The following BLNK variants were observed in gnomAD, a reference collection of about 807,000 sequenced individuals.
The protein encoded by BLNK is B cell linker.
A neutral mutation model predicts 73.5 loss-of-function variants in BLNK; 29 were observed. The ratio of observed to expected loss-of-function variants is 0.39; its 90% CI spans 0.29 to 0.54. BLNK has a LOEUF of 0.54. BLNK is among the 20% of genes least tolerant of loss of function. The probability of loss-of-function intolerance (pLI) is 0.61; values close to 1 mark genes in which losing one functional copy is unlikely to be tolerated. For synonymous variants in BLNK, 176 were observed against 200.8 expected (o/e 0.88, Z 1.04); for missense variants, 460 against 562.8 (o/e 0.82, Z 1.85).
At chr10:96,265,492 A>C (rs1843960363) in intron 1 of BLNK, among the ~76,000 whole-genome samples, 1 of 152,188 alleles carries the variant, frequency 6.6e-6, no homozygotes, top group Non-Finnish European at 1.5e-5. Flanking sequence ...GGAGAGAGCA[A>C]CTTATAGCTC....
At chr10:96,213,864 C>A (rs1554899205) in intron 8 of BLNK, among the ~76,000 whole-genome samples, 1 of 152,134 alleles carries the variant, frequency 6.6e-6, no homozygotes, top group East Asian at 1.9e-4. Context: ...CATGTTTGAC[C>A]TTTGTCTCTC....
intron 15 of BLNK, among the ~76,000 whole-genome samples, chr10:96,198,052 C>T (rs1554895158): frequency 6.6e-6 from 1 of 150,776 alleles, no homozygotes; most frequent in Non-Finnish European, 1.5e-5. Context: ...GGACAAAAAG[C>T]AGAATGAAAT....
chr10:96,220,055 C>T (rs1430291469), intron 6 of BLNK, among the ~76,000 whole-genome samples: 1 of 152,036 alleles, frequency 6.6e-6, no homozygotes, highest in Non-Finnish European at 1.5e-5. Flanking sequence ...CGACCAGCCT[C>T]TTCTGCACCA....
At chr10:96,261,774 C>G (rs4919000) in intron 1 of BLNK, among the ~76,000 whole-genome samples, 1 of 152,032 alleles carries the variant, frequency 6.6e-6, no homozygotes. Context: ...ATGTGATTCT[C>G]ATAGTTATTT....
rs587606971 is a variant in BLNK at position 96,233,736 on chromosome 10, T to A, written c.164-2902A>T. ...CTCTTGGAAGCTGGTGGCACCGTGA[T>A]GTCACATGTACTTCGTTCTGTCCTG... is the stretch of plus-strand genomic sequence containing the variant. On this transcript the variant is annotated intron_variant, in intron 3 of 16. Coordinates refer to ENST00000224337, the MANE Select transcript of BLNK (RefSeq NM_013314.4). 1.9e-3 allele frequency among the ~76,000 whole-genome samples: 289 copies of A among 152,372 alleles called. 1 individual carries two copies. The highest frequency in any genetic ancestry group is 3.5e-3 in the South Asian group (17 of 4,832).
intron 7 of BLNK, chr10:96,216,120 C>T (rs1591316926): frequency 5.7e-6 from 1 of 175,600 alleles, no homozygotes; most frequent in East Asian, 1.4e-4. Context: ...TGTTTCCATG[C>T]CTAATCTTAT....
At chr10:96,260,366 CA>C (rs1313870587) in intron 1 of BLNK, among the ~76,000 whole-genome samples, 10 of 152,102 alleles carry the variant, frequency 6.6e-5, no homozygotes, top group African/African-American at 2.4e-4. Context: ...CATAAAAATG[CA>C]AAACTGACGT....
intron 1 of BLNK, among the ~76,000 whole-genome samples, chr10:96,262,416 TTA>T (rs1217825858): frequency 6.6e-6 from 1 of 152,178 alleles, no homozygotes; most frequent in African/African-American, 2.4e-5. Flanking sequence ...CTGCTTTATG[TTA>T]TATATTATTG....
chr10:96,195,294 G>A (rs2083437774), intron 16 of BLNK, among the ~76,000 whole-genome samples: 2 of 152,312 alleles, frequency 1.3e-5, no homozygotes, highest in East Asian at 3.9e-4. Flanking sequence ...ATATCATCCA[G>A]CAATCCCACT....
chr10:96,199,771 G>C (rs931493169), intron 15 of BLNK, among the ~76,000 whole-genome samples: 5 of 152,166 alleles, frequency 3.3e-5, no homozygotes, highest in Non-Finnish European at 7.4e-5. Context: ...TGTAATCCCA[G>C]CACTTTGGGA....
At chr10:96,202,031 A>C (rs924697553) in intron 13 of BLNK, among the ~76,000 whole-genome samples, 1 of 152,188 alleles carries the variant, frequency 6.6e-6, no homozygotes, top group Non-Finnish European at 1.5e-5. Context: ...TCCCGGGTAG[A>C]GGGAGCTGTG....
At chr10:96,251,621 G>A (rs904964822) in intron 1 of BLNK, among the ~76,000 whole-genome samples, 12 of 152,076 alleles carry the variant, frequency 7.9e-5, no homozygotes, top group Admixed American at 3.3e-4. Context: ...GAAGAACAAA[G>A]CTTATCTAAT....
intron 1 of BLNK, among the ~76,000 whole-genome samples, chr10:96,248,209 A>C (rs1554908147): frequency 6.6e-6 from 1 of 152,182 alleles, no homozygotes; most frequent in East Asian, 1.9e-4. Context: ...AAAAGTAATC[A>C]CGGTTTTTGC....
intron 16 of BLNK, among the ~76,000 whole-genome samples, chr10:96,192,694 C>T (rs1485274034): frequency 4.0e-5 from 6 of 151,892 alleles, no homozygotes; most frequent in African/African-American, 1.5e-4. Flanking sequence ...CTTATTTTTC[C>T]AAATTTTGAT....
At chr10:96,267,245 G>A (rs1844044674) in intron 1 of BLNK, among the ~76,000 whole-genome samples, 1 of 152,132 alleles carries the variant, frequency 6.6e-6, no homozygotes, top group Non-Finnish European at 1.5e-5. Flanking sequence ...CAAACATAGG[G>A]GACATGGGGG....
At chr10:96,197,917 A>AC (rs1203693563) in intron 15 of BLNK, among the ~76,000 whole-genome samples, 2 of 151,466 alleles carry the variant, frequency 1.3e-5, no homozygotes, top group African/African-American at 4.8e-5. Flanking sequence ...CAACATCAAA[A>AC]AAAAAAAGAA....
chr10:96,216,673 CT>C lies in BLNK; in HGVS notation c.586del (p.Ser196ValfsTer11). 6.2e-7 allele frequency: 1 copy of C among 1,614,102 alleles called. No homozygotes were observed. The highest frequency in any genetic ancestry group is 8.5e-7 in the Non-Finnish European group (1 of 1,179,980). ...CTTACCTTTTTCAGGTGGAGGTGAA[CT>C]GCTTTCTGTGGGATGAATATAGTTT... Reference protein sequence around the residue: ...DENYIHPTESSSPPPEKAPMV... With the variant: ...DENYIHPTESXSPPPEKAPMV... On this transcript the variant is annotated frameshift_variant, in exon 7 of 17. Transcript: ENST00000224337. LOFTEE classifies it high-confidence loss of function.
At chr10:96,236,883 C>T (rs6584057) in intron 3 of BLNK, among the ~76,000 whole-genome samples, 130,920 of 152,000 alleles carry the variant, frequency 0.86, 56,590 homozygotes, top group East Asian at 1. Flanking sequence ...TGTATGTCTA[C>T]TCATCCCTTC....
At chr10:96,266,126 T>G (rs577296997) in intron 1 of BLNK, among the ~76,000 whole-genome samples, 1 of 152,370 alleles carries the variant, frequency 6.6e-6, no homozygotes, top group East Asian at 1.9e-4. Flanking sequence ...ATGTAAGACC[T>G]TCTTTGAAAA....
Sources: gnomAD v4.1 joint callset for allele counts (sites outside exome capture counted in the v4.1 genomes callset) on GRCh38, gnomAD v4.1.1 for gene constraint, MANE v1.5 for transcripts, NCBI Gene and HGNC (gene_info 2026-07-23, HGNC 2026-07-21) for gene names.